MYCBP2: variants seen among roughly 807,000 people sequenced by gnomAD.
The protein encoded by MYCBP2 is MYC binding protein 2.
A neutral mutation model predicts 525.3 loss-of-function variants in MYCBP2; 120 were observed. The observed-to-expected ratio is 0.23, with a 90% CI of 0.20 to 0.27. The LOEUF (loss-of-function observed/expected upper bound fraction) is 0.27, where lower values mean the gene tolerates loss of function less well. Ranked by LOEUF, MYCBP2 falls within the 10% of genes least tolerant of loss-of-function variation. The pLI, the probability that MYCBP2 is intolerant of heterozygous loss-of-function variation, is 1.00. For synonymous variants in MYCBP2, 1,894 were observed against 1,955.8 expected (o/e 0.97, Z 0.83); for missense variants, 4,149 against 5,657.1 (o/e 0.73, Z 8.55).
chr13:77,246,946 A>T (rs1306180674), intron 15 of MYCBP2, among the ~76,000 whole-genome samples: 1 of 152,172 alleles, frequency 6.6e-6, no homozygotes, highest in East Asian at 1.9e-4. Flanking sequence ...CAGTAGACAA[A>T]CTAGGAATAG....
chr13:77,129,728 A>G lies in MYCBP2; in HGVS notation c.7660-3186T>C, dbSNP rs985187006. The G allele has an allele frequency of 2.6e-5, 4 of 152,098 alleles. No individual in the cohort carries two copies. The East Asian group carries it at 5.8e-4, about 22-fold the overall frequency. The allele number at this position is 152,098 out of a possible 1,614,324, so 9.4% of individuals were successfully genotyped here. A position where few individuals can be genotyped will look rare whatever the true frequency, so the allele number is the denominator to read the frequency against. ...GTACAAAAATAAAAATAAAAACTAA[A>G]AAAGTAAAAAATAAAAAGTCTGAGT... On this transcript the variant is annotated intron_variant, in intron 52 of 82. Transcript: ENST00000544440.
chr13:77,233,778 CATAA>C (rs1481202960), intron 17 of MYCBP2, among the ~76,000 whole-genome samples: 1 of 151,534 alleles, frequency 6.6e-6, no homozygotes, highest in African/African-American at 2.4e-5. Context: ...TACTACAAAT[CATAA>C]ATAGAGGTTA....
chr13:77,174,282 A>C (rs777078144), intron 37 of MYCBP2, 29 bp downstream of exon 37: 2 of 1,607,740 alleles, frequency 1.2e-6, no homozygotes. Context: ...ACTGTAAAGT[A>C]TTTCCGTTAT....
chr13:77,230,051 T>G (rs2066914180), intron 18 of MYCBP2, among the ~76,000 whole-genome samples: 1 of 152,188 alleles, frequency 6.6e-6, no homozygotes, highest in Non-Finnish European at 1.5e-5. Flanking sequence ...TTTAGAATAA[T>G]TTACTGTATT....
chr13:77,294,119 T>TATATATATAC lies in MYCBP2; in HGVS notation c.378+2479_378+2480insGTATATATAT, dbSNP rs1555465703. ...GATATAATGGCTATATATATATATA[T>TATATATATAC]ATATATATATACATATATATATACA... On this transcript the variant is annotated intron_variant, in intron 2 of 82. Transcript: ENST00000544440. Among the ~76,000 whole-genome samples the TATATATATAC allele has an allele frequency of 1.2e-4, 8 of 64,158 alleles. No homozygotes were observed. In the East Asian group the frequency reaches 2.5e-3, roughly 20 times the overall value. The allele number at this position is 64,158 out of a possible 152,430, so 42.1% of individuals were successfully genotyped here.
At chr13:77,101,848 T>C (rs1380199474) in intron 55 of MYCBP2, among the ~76,000 whole-genome samples, 1 of 152,078 alleles carries the variant, frequency 6.6e-6, no homozygotes, top group Non-Finnish European at 1.5e-5. Flanking sequence ...TTTTGCAGCA[T>C]GTTATTAAAT....
intron 37 of MYCBP2, 124 bp downstream of exon 37, chr13:77,174,187 A>G: frequency 1.5e-6 from 1 of 677,850 alleles, no homozygotes; most frequent in South Asian, 3.6e-5. Context: ...TTGTACAAGT[A>G]TGTGCTAAGA....
At chr13:77,130,648 A>G (rs1033287303) in intron 52 of MYCBP2, among the ~76,000 whole-genome samples, 2 of 152,138 alleles carry the variant, frequency 1.3e-5, no homozygotes, top group Admixed American at 6.6e-5. Flanking sequence ...AGCATTTTGA[A>G]GTGCTATGTT....
chr13:77,165,154 C>T lies in MYCBP2; in HGVS notation c.6459+119G>A, dbSNP rs1273931693. The T allele has an allele frequency of 1.4e-5, 11 of 796,462 alleles. No individual in the cohort carries two copies. In the South Asian group the frequency reaches 1.7e-4, roughly 12 times the overall value. The allele number at this position is 796,462 out of a possible 1,614,324, so 49.3% of individuals were successfully genotyped here. Reference sequence around the variant, plus strand: ...GCAATTACAGGTGTGAGCCACTGCACCAGGCCCCAATTTTTCGAATAGAGG... The same window carrying T: ...GCAATTACAGGTGTGAGCCACTGCATCAGGCCCCAATTTTTCGAATAGAGG... On this transcript the variant is annotated intron_variant, in intron 42 of 82. Coordinates refer to ENST00000544440, the MANE Select transcript of MYCBP2 (RefSeq NM_015057.5).
intron 23 of MYCBP2, among the ~76,000 whole-genome samples, chr13:77,207,301 G>A (rs1476384586): frequency 6.6e-6 from 1 of 152,236 alleles, no homozygotes; most frequent in Non-Finnish European, 1.5e-5. Context: ...TAGAATGGAT[G>A]TGGATGTTCA....
At chr13:77,147,159 A>C (rs1417833707) in intron 47 of MYCBP2, among the ~76,000 whole-genome samples, 2 of 152,126 alleles carry the variant, frequency 1.3e-5, no homozygotes, top group Admixed American at 1.3e-4. Context: ...CGTATTGAAC[A>C]ACCCAAAATA....
chr13:77,154,423 A>C (rs553318565), intron 46 of MYCBP2, among the ~76,000 whole-genome samples: 3 of 151,986 alleles, frequency 2.0e-5, no homozygotes, highest in Non-Finnish European at 2.9e-5. Flanking sequence ...GAGGAAAAAA[A>C]AAAGCAGATC....
intron 52 of MYCBP2, among the ~76,000 whole-genome samples, chr13:77,136,846 C>T (rs578191844): frequency 6.6e-6 from 1 of 152,304 alleles, no homozygotes; most frequent in African/African-American, 2.4e-5. Flanking sequence ...TTTACAGAAG[C>T]AAGCTCTCTA....
chr13:77,294,104 C>CA, intron 2 of MYCBP2, among the ~76,000 whole-genome samples: 1 of 41,920 alleles, frequency 2.4e-5, no homozygotes, highest in African/African-American at 6.9e-5. Context: ...GATATAATGG[C>CA]TATATATATA....
rs118011687 is a variant in MYCBP2, at chr13:77,141,449, C to T, written c.7304-506G>A. Among the ~76,000 whole-genome samples the T allele has an allele frequency of 6.7e-4, 102 of 152,070 alleles. 1 individual carries two copies. In the East Asian group the frequency reaches 0.015, roughly 23 times the overall value. ...GGAAAAATAACAGTATCTAACTCAC[C>T]GAGCTGTTGTAGGAAATAAATGACG... On this transcript the variant is annotated intron_variant, in intron 49 of 82. Transcript: ENST00000544440.
intron 55 of MYCBP2, among the ~76,000 whole-genome samples, chr13:77,117,552 T>C (rs1176226985): frequency 6.6e-6 from 1 of 152,176 alleles, no homozygotes; most frequent in Non-Finnish European, 1.5e-5. Flanking sequence ...AGTGTGAATG[T>C]ACTTTACCAA....
chr13:77,286,098 C>T (rs1025450471), intron 3 of MYCBP2, among the ~76,000 whole-genome samples: 1 of 151,938 alleles, frequency 6.6e-6, no homozygotes, highest in Non-Finnish European at 1.5e-5. Flanking sequence ...AGCCATCTGC[C>T]GAGAATAAGG....
intron 26 of MYCBP2, among the ~76,000 whole-genome samples, chr13:77,196,587 C>T (rs1340113519): frequency 1.3e-5 from 2 of 152,042 alleles, no homozygotes; most frequent in Non-Finnish European, 2.9e-5. Flanking sequence ...TATTTGCTCC[C>T]GAAGTGGATG....
chr13:77,303,247 C>T (rs9574034), intron 1 of MYCBP2, among the ~76,000 whole-genome samples: 6 of 152,286 alleles, frequency 3.9e-5, no homozygotes, highest in East Asian at 3.9e-4. Context: ...GCAGGAGAAT[C>T]GCTTGAACCC....
Sources: allele counts gnomAD v4.1 joint callset (sites outside exome capture counted in the v4.1 genomes callset), GRCh38; gene constraint gnomAD v4.1.1; transcripts MANE v1.5; gene names NCBI Gene and HGNC (gene_info 2026-07-23, HGNC 2026-07-21).